SCAPER: variants seen among roughly 807,000 people sequenced by gnomAD.
SCAPER encodes S phase cyclin A-associated protein in the endoplasmic reticulum.
A neutral mutation model predicts 182.2 loss-of-function variants in SCAPER; 98 were observed. That is an observed-to-expected ratio of 0.54 (90% CI 0.46 to 0.64). The LOEUF (loss-of-function observed/expected upper bound fraction) is 0.64. Among genes scored for constraint, SCAPER ranks in the 30% least tolerant of loss-of-function variants. SCAPER has a pLI of 0.00. For missense variants in SCAPER, 1,432 were observed against 1,690.0 expected (o/e 0.85, Z 2.68); for synonymous variants, 605 against 564.6 (o/e 1.07, Z -1.01).
intron 1 of SCAPER, among the ~76,000 whole-genome samples, chr15:76,900,504 CA>C (rs2074722939): frequency 6.6e-6 from 1 of 151,748 alleles, no homozygotes; most frequent in South Asian, 2.1e-4. Context: ...CCCAAAAAAA[CA>C]AAGAATAAAG....
At chr15:76,660,144 A>G (rs921925027) in intron 21 of SCAPER, among the ~76,000 whole-genome samples, 2 of 152,200 alleles carry the variant, frequency 1.3e-5, no homozygotes, top group African/African-American at 4.8e-5. Context: ...GCAGGAACAG[A>G]AAACCAAATA....
At chr15:76,462,768 C>T (rs1323116833) in intron 25 of SCAPER, among the ~76,000 whole-genome samples, 1 of 152,052 alleles carries the variant, frequency 6.6e-6, no homozygotes, top group African/African-American at 2.4e-5. Flanking sequence ...GTTCTTTTAC[C>T]AGCTGAATTC....
At chr15:76,593,550 A>C (rs2049284248) in intron 22 of SCAPER, among the ~76,000 whole-genome samples, 1 of 121,244 alleles carries the variant, frequency 8.2e-6, no homozygotes, top group Non-Finnish European at 2.0e-5. Flanking sequence ...GCAAGGGGTC[A>C]ACAAACACCT....
chr15:76,642,495 C>A (rs909028221), intron 21 of SCAPER, among the ~76,000 whole-genome samples: 22 of 151,938 alleles, frequency 1.4e-4, no homozygotes, highest in African/African-American at 5.3e-4. Context: ...TAAAATGTAT[C>A]TTGATTACTT....
intron 17 of SCAPER, among the ~76,000 whole-genome samples, chr15:76,717,031 G>A (rs549688726): frequency 5.3e-5 from 8 of 150,296 alleles, no homozygotes; most frequent in African/African-American, 2.0e-4. Flanking sequence ...AACAGCAAGA[G>A]AAAACTGTCT....
At position 76,511,843 on chromosome 15, in the gene SCAPER, A is replaced by ATATATATGTG. The variant is rs151255382; in HGVS notation, c.2839-6870_2839-6869insCACATATATA. On this transcript the variant is annotated intron_variant, in intron 23 of 31. Coordinates refer to ENST00000563290, the MANE Select transcript of SCAPER (RefSeq NM_020843.4). Reference sequence around the variant, plus strand: ...AGATACACTTATTATATATATATATATGTGTGTGTGTGTGTGTGTGTGTGT... The same window carrying ATATATATGTG: ...AGATACACTTATTATATATATATATATATATATGTGTGTGTGTGTGTGTGTGTGTGTGTGT... Among the ~76,000 whole-genome samples the ATATATATGTG allele has an allele frequency of 4.7e-3, 574 of 123,246 alleles. 4 individuals are homozygous for ATATATATGTG. The highest frequency in any genetic ancestry group is 0.017 in the African/African-American group (510 of 29,768). 80.9% of individuals were successfully genotyped at this position (123,246 alleles called of 152,430 possible).
intron 29 of SCAPER, 47 bp downstream of exon 29, chr15:76,376,113 ACT>A: frequency 6.2e-7 from 1 of 1,603,170 alleles, no homozygotes; most frequent in African/African-American, 1.3e-5. Flanking sequence ...AATACCTCAC[ACT>A]CTCAGCACTG....
chr15:76,503,821 A>G (rs2041348500), intron 24 of SCAPER, among the ~76,000 whole-genome samples: 1 of 152,216 alleles, frequency 6.6e-6, no homozygotes, highest in African/African-American at 2.4e-5. Flanking sequence ...CTCTCAGAAA[A>G]AAAAGATAAC....
intron 8 of SCAPER, among the ~76,000 whole-genome samples, chr15:76,782,453 T>C (rs55746932): frequency 0.34 from 51,319 of 151,878 alleles, 8,929 homozygotes; most frequent in East Asian, 0.55. Context: ...TACCCCACTA[T>C]CCACATTAGA....
chr15:76,818,124 A>G lies in SCAPER; in HGVS notation c.394-13491T>C, dbSNP rs141882303. Among the ~76,000 whole-genome samples, 4 of 152,344 alleles carry G rather than the reference A, an allele frequency of 2.6e-5. No homozygotes were observed. The East Asian group carries it at 7.7e-4, about 29-fold the overall frequency. On this transcript the variant is annotated intron_variant, in intron 5 of 31. Transcript: ENST00000563290. Reference sequence around the variant, plus strand: ...AACAGGTCAATGGAACAGAACAAAGAGCTCAGAAACAGACCCACATAAATA... The same window carrying G: ...AACAGGTCAATGGAACAGAACAAAGGGCTCAGAAACAGACCCACATAAATA...
chr15:76,711,509 A>G (rs1479531003), intron 17 of SCAPER, among the ~76,000 whole-genome samples: 1 of 152,236 alleles, frequency 6.6e-6, no homozygotes, highest in East Asian at 1.9e-4. Flanking sequence ...TTGTATATTT[A>G]AAAAACTGAT....
At chr15:76,679,192 T>C (rs2057541856) in intron 20 of SCAPER, among the ~76,000 whole-genome samples, 1 of 152,114 alleles carries the variant, frequency 6.6e-6, no homozygotes, top group Non-Finnish European at 1.5e-5. Flanking sequence ...AATGAGTGTG[T>C]TTAGAGATTC....
intron 20 of SCAPER, among the ~76,000 whole-genome samples, chr15:76,685,810 C>T (rs1323226590): frequency 6.6e-6 from 1 of 151,938 alleles, no homozygotes; most frequent in African/African-American, 2.4e-5. Context: ...ATGGAGCAGA[C>T]AAACGAGGAT....
intron 22 of SCAPER, among the ~76,000 whole-genome samples, chr15:76,610,934 GAAC>G (rs748381377): frequency 6.2e-4 from 94 of 152,106 alleles, no homozygotes; most frequent in Admixed American, 2.3e-3. Context: ...AATACAAATG[GAAC>G]AACAATACTC....
At chr15:76,364,750 T>G (rs2141773640) in intron 29 of SCAPER, among the ~76,000 whole-genome samples, 1 of 152,170 alleles carries the variant, frequency 6.6e-6, no homozygotes, top group South Asian at 2.1e-4. Context: ...CCTACCATTC[T>G]CCATATCCGG....
intron 25 of SCAPER, among the ~76,000 whole-genome samples, chr15:76,442,779 T>C (rs991870265): frequency 5.9e-5 from 9 of 152,206 alleles, no homozygotes; most frequent in Non-Finnish European, 1.0e-4. Flanking sequence ...TCAAAACATC[T>C]GACTCCATGT....
At chr15:76,860,558 T>A (rs2071789091) in intron 3 of SCAPER, among the ~76,000 whole-genome samples, 1 of 152,058 alleles carries the variant, frequency 6.6e-6, no homozygotes. Flanking sequence ...ACTAGTAGAA[T>A]GGAATACATA....
chr15:76,880,069 T>C (rs2073435037), intron 2 of SCAPER, among the ~76,000 whole-genome samples: 1 of 152,248 alleles, frequency 6.6e-6, no homozygotes, highest in Non-Finnish European at 1.5e-5. Context: ...CATAAATTGA[T>C]AACTTAGGTT....
At chr15:76,888,624 C>CA (rs930653827) in intron 1 of SCAPER, among the ~76,000 whole-genome samples, 44 of 151,226 alleles carry the variant, frequency 2.9e-4, no homozygotes, top group African/African-American at 8.0e-4. Flanking sequence ...CAAGATTAGA[C>CA]AAAAAAAAGA....
Sources: gnomAD v4.1 joint callset for allele counts (sites outside exome capture counted in the v4.1 genomes callset) on GRCh38, gnomAD v4.1.1 for gene constraint, MANE v1.5 for transcripts, NCBI Gene and HGNC (gene_info 2026-07-23, HGNC 2026-07-21) for gene names.